ITGAE: variants seen among roughly 807,000 people sequenced by gnomAD.
ITGAE encodes integrin alpha-E.
Under a neutral mutation model 136.5 loss-of-function variants are expected in ITGAE, and 99 were observed. That is an observed-to-expected ratio of 0.73 (90% CI 0.62 to 0.86). The LOEUF (loss-of-function observed/expected upper bound fraction) is 0.86. Ranked by LOEUF, ITGAE falls within the 40% of genes least tolerant of loss-of-function variation. The pLI, the probability that ITGAE is intolerant of heterozygous loss-of-function variation, is 0.00. For missense variants in ITGAE, 1,447 were observed against 1,515.3 expected, an observed-to-expected ratio of 0.95 and a Z score of 0.75; for synonymous variants, 613 against 591.8, an observed-to-expected ratio of 1.04 and a Z score of -0.52.
chr17:3,794,698 C>A (rs2053021631), intron 1 of ITGAE, among the ~76,000 whole-genome samples: 1 of 152,312 alleles, frequency 6.6e-6, no homozygotes, highest in South Asian at 2.1e-4. Context: ...GGCTCCGGCC[C>A]CGGGGCCCAC....
chr17:3,719,235 C>CAAAAAAAAAA (rs746282209), intron 29 of ITGAE, among the ~76,000 whole-genome samples: 14 of 66,086 alleles, frequency 2.1e-4, no homozygotes, highest in South Asian at 1.1e-3. Context: ...GATTCTTCCT[C>CAAAAAAAAAA]AAAAAAAAAA....
chr17:3,761,539 G>C lies in ITGAE; in HGVS notation c.316-19C>G. ...TGCATATCTGTGGGAGGGAAGAGAG[G>C]GTGGGGAAACACCAGGTCACCTCCC... On this transcript the variant is annotated intron_variant, in intron 4 of 30. Coordinates refer to ENST00000263087, the MANE Select transcript of ITGAE (RefSeq NM_002208.5). 2 of 1,598,796 alleles carry C rather than the reference G, an allele frequency of 1.3e-6. No homozygotes were observed. Among genetic ancestry groups the C allele is most frequent in the Non-Finnish European group, 1.7e-6 (2 of 1,171,460 alleles).
At chr17:3,751,134 G>A (rs2051854948) in intron 15 of ITGAE, among the ~76,000 whole-genome samples, 1 of 152,062 alleles carries the variant, frequency 6.6e-6, no homozygotes, top group South Asian at 2.1e-4. Flanking sequence ...AGGGGAAGCA[G>A]GTGCTCTCAG....
Position 3,725,189 on chromosome 17 carries a change from A to G in ITGAE, c.3085-1445T>C, listed in dbSNP as rs375620530. On this transcript the variant is annotated intron_variant, in intron 26 of 30. Coordinates refer to ENST00000263087, the MANE Select transcript of ITGAE (RefSeq NM_002208.5). ...CTTCTCTCTCTGGATCCCTCCTATC[A>G]GAATGTTCAAACCGGCCTGTCATGA... is the stretch of plus-strand genomic sequence containing the variant. 2.4e-5 allele frequency: 39 copies of G among 1,614,108 alleles called. No homozygotes were observed. The Admixed American group carries it at 4.7e-4, about 19-fold the overall frequency.
chr17:3,769,784 A>G (rs1008578841), intron 2 of ITGAE, among the ~76,000 whole-genome samples: 3 of 152,022 alleles, frequency 2.0e-5, no homozygotes, highest in Non-Finnish European at 2.9e-5. Context: ...CCCTGGTTCA[A>G]GTGATTCTCC....
In ITGAE at chr17:3,759,461, G is replaced by A. The variant is rs368851552; in HGVS notation, c.807C>T (p.Val269=). The part of the protein sequence containing the change: ...SQDVMASLAR[V]QNITQVGSVT... ...CACTCCCCACTTGAGTGATGTTCTG[G>A]ACTCTGGCGAGGGAGGCCATCACAT... Residue 269 remains valine (V), a synonymous_variant, in exon 8 of 31, where the codon GTC becomes GTT. Transcript: ENST00000263087. The A allele has an allele frequency of 1.2e-6, 2 of 1,614,076 alleles. No homozygotes were observed. The highest frequency in any genetic ancestry group is 1.7e-6 in the Non-Finnish European group (2 of 1,180,038).
At position 3,751,876 on chromosome 17, in the gene ITGAE, T is replaced by C; in HGVS notation, c.1669-2A>G. The C allele has an allele frequency of 1.2e-6, 2 of 1,613,016 alleles. No individual in the cohort carries two copies. Among genetic ancestry groups the C allele is most frequent in the Non-Finnish European group, 1.7e-6 (2 of 1,179,096 alleles). Reference sequence around the variant, plus strand: ...GCGTGCCAAGGAGAAAGAACCATCCTGTAAAGCAAACAAACAGCTCAGCCC... The same window carrying C: ...GCGTGCCAAGGAGAAAGAACCATCCCGTAAAGCAAACAAACAGCTCAGCCC... On this transcript the variant is annotated splice_acceptor_variant, in intron 14 of 30. Transcript: ENST00000263087. LOFTEE classifies it high-confidence loss of function.
Position 3,728,165 on chromosome 17 carries a change from TG to T in ITGAE, c.2915del (p.Pro972HisfsTer3), listed in dbSNP as rs767891431. 5 of 1,612,314 alleles carry T rather than the reference TG, an allele frequency of 3.1e-6. No homozygotes were observed. In the South Asian group the frequency reaches 5.5e-5, roughly 18 times the overall value. On this transcript the variant is annotated frameshift_variant and splice_region_variant, in exon 25 of 31. Transcript: ENST00000263087. LOFTEE classifies it high-confidence loss of function. ...GGCCTGTGTTCACGTACATTATGGA[TG>T]GTCTGCAATTGACAGGACATGCGTC... ...RHGFVAVLSK[P>X]SIMYVNTGQG...
chr17:3,730,777 A>AC (rs1429516889), intron 23 of ITGAE, among the ~76,000 whole-genome samples: 1 of 151,860 alleles, frequency 6.6e-6, no homozygotes, highest in East Asian at 1.9e-4. Flanking sequence ...TCCCCACCTT[A>AC]CCCCCCAACA....
intron 1 of ITGAE, among the ~76,000 whole-genome samples, chr17:3,790,526 AC>A (rs35319137): frequency 0.39 from 58,483 of 151,558 alleles, 13,433 homozygotes; most frequent in African/African-American, 0.66. Context: ...ACACACACAC[AC>A]ACACAAAAGA....
chr17:3,774,042 T>C (rs1376446670), intron 2 of ITGAE, among the ~76,000 whole-genome samples: 1 of 152,212 alleles, frequency 6.6e-6, no homozygotes, highest in Non-Finnish European at 1.5e-5. Context: ...CAAGTCTGCC[T>C]GGCTGTCAGG....
intron 18 of ITGAE, 49 bp downstream of exon 18, chr17:3,745,715 C>G (rs763080361): frequency 1.3e-6 from 2 of 1,572,344 alleles, no homozygotes; most frequent in East Asian, 4.5e-5. Context: ...CAAATCCTTT[C>G]TCAATGACAA....
intron 26 of ITGAE, chr17:3,726,340 G>A (rs2051213566): frequency 1.3e-6 from 2 of 1,562,962 alleles, no homozygotes; most frequent in South Asian, 1.1e-5. Flanking sequence ...TAAGCTAAAT[G>A]TATCTTACTG....
intron 26 of ITGAE, chr17:3,723,980 A>G (rs1197018226): frequency 2.5e-6 from 4 of 1,592,734 alleles, no homozygotes; most frequent in Non-Finnish European, 3.4e-6. Context: ...TTTTCCGCAC[A>G]TATGGGGCTG....
intron 28 of ITGAE, 95 bp downstream of exon 28, chr17:3,723,193 A>G (rs190917925): frequency 1.1e-5 from 10 of 886,636 alleles, no homozygotes; most frequent in East Asian, 4.9e-5. Context: ...TATTTTGGAC[A>G]TGGACATGTT....
At chr17:3,779,018 A>G (rs1353579168) in intron 1 of ITGAE, among the ~76,000 whole-genome samples, 2 of 151,916 alleles carry the variant, frequency 1.3e-5, no homozygotes, top group Admixed American at 1.3e-4. Context: ...AACTCCATTT[A>G]TATGAGGTTC....
At position 3,759,549 on chromosome 17, in the gene ITGAE, T is replaced by C; in HGVS notation, c.719A>G (p.Asn240Ser). ...TCCTCCATACTGCACCAAGGCAAAG[T>C]TGCACTGCAGGGGATGGGCAGGAGG... is the stretch of plus-strand genomic sequence containing the variant. ...RNFYEKCFECNFALVQYGGVI... is the reference protein window; with the variant it reads ...RNFYEKCFECSFALVQYGGVI... The change falls in exon 8 of 31, where the codon AAC becomes AGC. Residue 240 changes from asparagine (N) to serine (S), a missense_variant. This residue lies in a region of ITGAE where 310 missense variants were observed against 416.1 expected (regional missense o/e 0.74). Coordinates refer to ENST00000263087, the MANE Select transcript of ITGAE (RefSeq NM_002208.5). 4 of 1,609,654 alleles carry C rather than the reference T, an allele frequency of 2.5e-6. No homozygotes were observed. The highest frequency in any genetic ancestry group is 2.6e-6 in the Non-Finnish European group (3 of 1,176,218).
chr17:3,748,451 G>A (rs1397943323), intron 16 of ITGAE, among the ~76,000 whole-genome samples: 1 of 152,140 alleles, frequency 6.6e-6, no homozygotes, highest in Non-Finnish European at 1.5e-5. Context: ...GCTGGGTGTG[G>A]TGGCGGGCGC....
At chr17:3,726,098 C>G in intron 26 of ITGAE, 2 of 1,614,156 alleles carry the variant, frequency 1.2e-6, no homozygotes, top group Non-Finnish European at 1.7e-6. Context: ...AGTTTGACAT[C>G]TACAGGCTCA....
Sources: allele counts gnomAD v4.1 joint callset (sites outside exome capture counted in the v4.1 genomes callset), GRCh38; gene constraint gnomAD v4.1.1; regional missense constraint gnomAD v4.1.1; transcripts MANE v1.5; gene names NCBI Gene and HGNC (gene_info 2026-07-23, HGNC 2026-07-21).